STAG1: variants seen among roughly 807,000 people sequenced by gnomAD.
STAG1 encodes cohesin subunit SA-1.
In STAG1, 26 loss-of-function variants were observed where a neutral mutation model predicts 170.9. The observed-to-expected ratio is 0.15, with a 90% confidence interval of 0.11 to 0.21. STAG1 has a LOEUF of 0.21. STAG1 is among the 10% of genes least tolerant of loss of function. STAG1 has a pLI of 1.00. For synonymous variants in STAG1, 514 were observed against 497.7 expected (o/e 1.03, Z -0.44); for missense variants, 964 against 1,509.5 (o/e 0.64, Z 5.99).
chr3:136,600,900 GT>G (rs1938643963), intron 4 of STAG1, among the ~76,000 whole-genome samples: 1 of 92,498 alleles, frequency 1.1e-5, no homozygotes, highest in Non-Finnish European at 2.6e-5. Flanking sequence ...GTTTTGTTTT[GT>G]TTTGTTTGAG....
chr3:136,588,283 C>T (rs958176681), intron 4 of STAG1, among the ~76,000 whole-genome samples: 6 of 152,136 alleles, frequency 3.9e-5, no homozygotes, highest in Non-Finnish European at 7.4e-5. Context: ...AACCCGCCAC[C>T]CGCCACTGCT....
chr3:136,658,070 C>G (rs926350081), intron 1 of STAG1, among the ~76,000 whole-genome samples: 11 of 151,890 alleles, frequency 7.2e-5, no homozygotes, highest in Non-Finnish European at 4.4e-5. Context: ...CACCTGTAAT[C>G]CCAACACTTC....
chr3:136,583,908 T>C (rs145266734), intron 4 of STAG1, among the ~76,000 whole-genome samples: 1 of 152,304 alleles, frequency 6.6e-6, no homozygotes, highest in East Asian at 1.9e-4. Context: ...ACCGTCCCAG[T>C]TAAATAATGA....
At chr3:136,471,055 A>G (rs2089613451) in intron 12 of STAG1, among the ~76,000 whole-genome samples, 1 of 151,902 alleles carries the variant, frequency 6.6e-6, no homozygotes, top group South Asian at 2.1e-4. Context: ...CAGCACACCA[A>G]CACGGCACAT....
At chr3:136,544,739 T>G (rs1438861168) in intron 5 of STAG1, among the ~76,000 whole-genome samples, 1 of 145,216 alleles carries the variant, frequency 6.9e-6, no homozygotes, top group African/African-American at 2.6e-5. Flanking sequence ...TACTCCAGCC[T>G]GGATGACAGA....
chr3:136,605,344 A>T (rs572953412), intron 3 of STAG1, among the ~76,000 whole-genome samples: 2 of 152,296 alleles, frequency 1.3e-5, no homozygotes, highest in Admixed American at 6.5e-5. Context: ...CTTTAGGGCC[A>T]AGGATCATTT....
chr3:136,468,252 A>G (rs984483994), intron 12 of STAG1, among the ~76,000 whole-genome samples: 7 of 152,174 alleles, frequency 4.6e-5, no homozygotes, highest in Non-Finnish European at 8.8e-5. Flanking sequence ...AAACTGATAG[A>G]CCACTAGCAA....
intron 4 of STAG1, among the ~76,000 whole-genome samples, chr3:136,573,192 A>G (rs1240095627): frequency 7.9e-6 from 1 of 125,880 alleles, no homozygotes; most frequent in Non-Finnish European, 1.7e-5. Flanking sequence ...AAAGAAAAGG[A>G]TTAAAAAAAA....
chr3:136,605,511 C>T (rs1260577160), intron 3 of STAG1, among the ~76,000 whole-genome samples: 1 of 152,320 alleles, frequency 6.6e-6, no homozygotes, highest in African/African-American at 2.4e-5. Context: ...TTGAAACTCT[C>T]TTAACAGACA....
At chr3:136,672,947 A>G (rs1164449634) in intron 1 of STAG1, among the ~76,000 whole-genome samples, 1 of 152,178 alleles carries the variant, frequency 6.6e-6, no homozygotes, top group Non-Finnish European at 1.5e-5. Context: ...AAAATGAAGA[A>G]CAGGTGACTC....
At chr3:136,722,653 CTCTCCCT>C (rs1559972495) in intron 1 of STAG1, among the ~76,000 whole-genome samples, 2 of 148,548 alleles carry the variant, frequency 1.3e-5, no homozygotes, top group Admixed American at 6.6e-5. Flanking sequence ...TCCCTCTCCC[CTCTCCCT>C]TCTCCCCTCT....
intron 22 of STAG1, among the ~76,000 whole-genome samples, chr3:136,383,865 G>A (rs1436407490): frequency 1.3e-5 from 2 of 149,096 alleles, no homozygotes; most frequent in Non-Finnish European, 3.0e-5. Flanking sequence ...TGAGGCAGGA[G>A]AATGGCATGA....
chr3:136,615,812 A>G (rs1358288493), intron 3 of STAG1, among the ~76,000 whole-genome samples: 1 of 151,770 alleles, frequency 6.6e-6, no homozygotes, highest in African/African-American at 2.4e-5. Context: ...AAGAAAAAAC[A>G]TATTCCCACC....
At chr3:136,721,209 G>A (rs1282546437) in intron 1 of STAG1, among the ~76,000 whole-genome samples, 4 of 152,130 alleles carry the variant, frequency 2.6e-5, no homozygotes, top group Non-Finnish European at 4.4e-5. Flanking sequence ...TTACAGACAA[G>A]AGATCAAGAT....
chr3:136,464,061 T>A (rs946230308), intron 13 of STAG1, among the ~76,000 whole-genome samples: 5 of 151,328 alleles, frequency 3.3e-5, no homozygotes, highest in Non-Finnish European at 7.4e-5. Context: ...AAATAAGGTT[T>A]AAAAAAAATT....
intron 16 of STAG1, among the ~76,000 whole-genome samples, chr3:136,431,592 T>C (rs897592511): frequency 2.6e-5 from 4 of 152,200 alleles, no homozygotes; most frequent in African/African-American, 9.7e-5. Context: ...TTAGCATTTC[T>C]GGTATGGGAG....
At chr3:136,681,353 A>T (rs1238634151) in intron 1 of STAG1, among the ~76,000 whole-genome samples, 1 of 152,216 alleles carries the variant, frequency 6.6e-6, no homozygotes, top group Non-Finnish European at 1.5e-5. Context: ...AAACTGTATT[A>T]ATCACAAATA....
chr3:136,720,801 A>G (rs1933213535), intron 1 of STAG1, among the ~76,000 whole-genome samples: 1 of 152,118 alleles, frequency 6.6e-6, no homozygotes, highest in Admixed American at 6.6e-5. Context: ...AAAAAAAAGA[A>G]AAAGAAAAAG....
At chr3:136,422,388 A>G (rs1241424984) in intron 19 of STAG1, 22 bp downstream of exon 19, 1 of 1,591,648 alleles carries the variant, frequency 6.3e-7, no homozygotes, top group South Asian at 1.1e-5. Flanking sequence ...TATTATATGT[A>G]CACATTAACT....
Sources: allele counts gnomAD v4.1 joint callset (sites outside exome capture counted in the v4.1 genomes callset), GRCh38; gene constraint gnomAD v4.1.1; transcripts MANE v1.5; gene names NCBI Gene and HGNC (gene_info 2026-07-23, HGNC 2026-07-21).